Variants in SGCZ observed in about 807,000 individuals in gnomAD.
SGCZ encodes zeta-sarcoglycan.
In SGCZ, 40 loss-of-function variants were observed where a neutral mutation model predicts 41.3. The observed-to-expected ratio is 0.97, with a 90% CI of 0.75 to 1.26. The LOEUF is 1.26. Among genes scored for constraint, SGCZ ranks in the 50% most tolerant of loss-of-function variants. The pLI is 0.00. For synonymous variants in SGCZ, 206 were observed against 137.5 expected (o/e 1.50, Z -3.49); for missense variants, 552 against 369.8 (o/e 1.49, Z -4.04).
At chr8:14,403,953 A>G (rs1483848238) in intron 2 of SGCZ, among the ~76,000 whole-genome samples, 1 of 152,200 alleles carries the variant, frequency 6.6e-6, no homozygotes, top group East Asian at 1.9e-4. Flanking sequence ...TTGAAGGAAG[A>G]GAAATGAGTA....
chr8:14,290,881 T>C (rs6530757), intron 3 of SGCZ, among the ~76,000 whole-genome samples: 114,516 of 152,038 alleles, frequency 0.75, 43,566 homozygotes, highest in Non-Finnish European at 0.8. Context: ...TGAAGAGATA[T>C]CTGCACTCCT....
chr8:14,241,300 G>A (rs895043526), intron 3 of SGCZ, among the ~76,000 whole-genome samples: 4 of 151,612 alleles, frequency 2.6e-5, no homozygotes, highest in East Asian at 1.9e-4. Flanking sequence ...ATAAAGGAGA[G>A]AAATCTATTT....
chr8:14,855,784 T>C (rs1421987407), intron 1 of SGCZ, among the ~76,000 whole-genome samples: 4 of 152,332 alleles, frequency 2.6e-5, no homozygotes, highest in Non-Finnish European at 4.4e-5. Context: ...AATAGTAATG[T>C]TAAATTCCAA....
intron 1 of SGCZ, among the ~76,000 whole-genome samples, chr8:14,811,326 C>T (rs182328213): frequency 1.1e-3 from 173 of 151,724 alleles, no homozygotes; most frequent in Non-Finnish European, 2.1e-3. Context: ...ATATCAAAAC[C>T]CACCTATAAA....
chr8:14,687,736 T>A (rs1160532860), intron 1 of SGCZ, among the ~76,000 whole-genome samples: 3 of 151,572 alleles, frequency 2.0e-5, no homozygotes, highest in Non-Finnish European at 4.4e-5. Context: ...GGTCAAATGG[T>A]ATTTCTAGTT....
intron 1 of SGCZ, among the ~76,000 whole-genome samples, chr8:14,780,575 A>G (rs976800802): frequency 1.3e-5 from 2 of 152,140 alleles, no homozygotes; most frequent in African/African-American, 4.8e-5. Flanking sequence ...TGAAAAAAAT[A>G]CTGAAGTTTT....
chr8:14,756,941 C>A (rs190548852), intron 1 of SGCZ, among the ~76,000 whole-genome samples: 5 of 152,180 alleles, frequency 3.3e-5, no homozygotes, highest in Admixed American at 1.3e-4. Context: ...CTTGTAAAAA[C>A]GGCAGAATAC....
intron 1 of SGCZ, among the ~76,000 whole-genome samples, chr8:14,899,867 A>AGAAGAAGAAGAAGAAGAG (rs754251454): frequency 4.5e-4 from 68 of 151,810 alleles, no homozygotes; most frequent in African/African-American, 1.6e-3. Context: ...AAGAAGAAGA[A>AGAAGAAGAAGAAGAAGAG]GAGGAGGAGG....
intron 1 of SGCZ, among the ~76,000 whole-genome samples, chr8:14,585,511 G>A (rs1434894016): frequency 6.6e-6 from 1 of 151,984 alleles, no homozygotes; most frequent in African/African-American, 2.4e-5. Context: ...TCCAAAGGTT[G>A]CAATATTCCT....
chr8:14,515,934 A>G (rs1441287610), intron 2 of SGCZ, among the ~76,000 whole-genome samples: 3 of 152,194 alleles, frequency 2.0e-5, no homozygotes, highest in East Asian at 3.9e-4. Context: ...ATTTGCTCCT[A>G]TGATCCAGTA....
In SGCZ at chr8:14,667,438, G is replaced by A. The variant is rs547660306; in HGVS notation, c.40-112512C>T. Among the ~76,000 whole-genome samples, 80 of 152,124 alleles carry A rather than the reference G, an allele frequency of 5.3e-4. 1 individual carries two copies. The highest frequency in any genetic ancestry group is 1.9e-3 in the African/African-American group (77 of 41,500). ...GATATCACAGCAATCATCGAACCCT[G>A]GACTCATGTTGTCATAAAAGCTTGT... On this transcript the variant is annotated intron_variant, in intron 1 of 7. Transcript: ENST00000382080.
At chr8:14,786,593 A>C (rs192086546) in intron 1 of SGCZ, among the ~76,000 whole-genome samples, 1 of 152,292 alleles carries the variant, frequency 6.6e-6, no homozygotes, top group East Asian at 1.9e-4. Flanking sequence ...AAGCTATCTT[A>C]AGCCATTCAC....
intron 1 of SGCZ, among the ~76,000 whole-genome samples, chr8:15,019,615 C>T (rs949123807): frequency 6.6e-6 from 1 of 151,760 alleles, no homozygotes; most frequent in African/African-American, 2.4e-5. Context: ...GCTCCTCTGA[C>T]CTGTGTTTGC....
chr8:14,698,377 C>T (rs1809032659), intron 1 of SGCZ, among the ~76,000 whole-genome samples: 1 of 151,716 alleles, frequency 6.6e-6, no homozygotes, highest in South Asian at 2.1e-4. Flanking sequence ...TTTAGTTTAG[C>T]TCCAAGTTAA....
intron 1 of SGCZ, among the ~76,000 whole-genome samples, chr8:14,857,634 C>T (rs1205522361): frequency 1.3e-5 from 2 of 152,094 alleles, no homozygotes; most frequent in Non-Finnish European, 2.9e-5. Flanking sequence ...AAGGCTAAGG[C>T]AGGTGGATTG....
chr8:15,075,944 A>AG (rs527612931), intron 1 of SGCZ, among the ~76,000 whole-genome samples: 93 of 152,206 alleles, frequency 6.1e-4, no homozygotes, highest in African/African-American at 2.2e-3. Context: ...AAAAAAAAAA[A>AG]CATTTTATGG....
At chr8:15,171,590 A>C (rs954577565) in intron 1 of SGCZ, among the ~76,000 whole-genome samples, 5 of 152,234 alleles carry the variant, frequency 3.3e-5, no homozygotes, top group Non-Finnish European at 7.3e-5. Context: ...AATTAAGTTC[A>C]GATTTCTCTG....
rs572700300 is a variant in SGCZ, at chr8:14,102,296, C to A, written c.744+80G>T. 6 of 1,279,778 alleles carry A rather than the reference C, an allele frequency of 4.7e-6. No individual in the cohort carries two copies. The African/African-American group carries it at 9.1e-5, about 20-fold the overall frequency. 79.3% of individuals were successfully genotyped at this position (1,279,778 alleles called of 1,614,324 possible). A position where few individuals can be genotyped will look rare whatever the true frequency, so the allele number is the denominator to read the frequency against. On this transcript the variant is annotated intron_variant, in intron 7 of 7. Coordinates refer to ENST00000382080, the MANE Select transcript of SGCZ (RefSeq NM_139167.4). The stretch of plus-strand genomic sequence containing the variant: ...TACTGAAAGATATTCCTTCACAAGT[C>A]AATTATAAATAGGACATCTAAATAC...
At chr8:14,257,477 A>G (rs1799507317) in intron 3 of SGCZ, among the ~76,000 whole-genome samples, 1 of 134,144 alleles carries the variant, frequency 7.5e-6, no homozygotes, top group East Asian at 2.2e-4. Flanking sequence ...AGTACATTTT[A>G]ACGTATGACA....
Sources: allele counts gnomAD v4.1 joint callset (sites outside exome capture counted in the v4.1 genomes callset), GRCh38; gene constraint gnomAD v4.1.1; transcripts MANE v1.5; gene names NCBI Gene and HGNC (gene_info 2026-07-23, HGNC 2026-07-21).